NDST4: variants seen among roughly 807,000 people sequenced by gnomAD.
NDST4 encodes the protein N-deacetylase and N-sulfotransferase 4.
NDST4 carries 63 observed loss-of-function variants against 100.8 expected under a neutral mutation model. The ratio of observed to expected loss-of-function variants is 0.62; its 90% CI spans 0.51 to 0.77. The LOEUF is 0.77. NDST4 is among the 30% of genes least tolerant of loss of function. NDST4 has a pLI of 0.00. For synonymous variants in NDST4, 377 were observed against 361.8 expected (o/e 1.04, Z -0.48); for missense variants, 943 against 1,018.4 (o/e 0.93, Z 1.01).
chr4:115,066,198 G>C (rs1205388061), intron 2 of NDST4, among the ~76,000 whole-genome samples: 1 of 152,098 alleles, frequency 6.6e-6, no homozygotes, highest in Non-Finnish European at 1.5e-5. Context: ...CTATAATAAA[G>C]ACAGATTCAC....
chr4:115,011,463 ATTT>A (rs569090018), intron 2 of NDST4, among the ~76,000 whole-genome samples: 3 of 144,596 alleles, frequency 2.1e-5, no homozygotes, highest in African/African-American at 7.5e-5. Flanking sequence ...AGGCATCACT[ATTT>A]TTTTTTTTTC....
At chr4:115,038,273 A>G (rs1425627978) in intron 2 of NDST4, among the ~76,000 whole-genome samples, 1 of 152,168 alleles carries the variant, frequency 6.6e-6, no homozygotes, top group Non-Finnish European at 1.5e-5. Flanking sequence ...TTTTTTAAAT[A>G]TAGTTATTGA....
chr4:114,919,832 G>A (rs1725252102), intron 6 of NDST4, among the ~76,000 whole-genome samples: 1 of 152,182 alleles, frequency 6.6e-6, no homozygotes, highest in African/African-American at 2.4e-5. Flanking sequence ...GTCTTGCAGG[G>A]TTGCTGCAGA....
intron 1 of NDST4, among the ~76,000 whole-genome samples, chr4:115,082,963 G>A (rs975563877): frequency 2.0e-5 from 3 of 152,194 alleles, no homozygotes; most frequent in African/African-American, 7.2e-5. Flanking sequence ...TGATTTGAAA[G>A]AGCTGTGTTG....
intron 6 of NDST4, among the ~76,000 whole-genome samples, chr4:114,918,925 A>AT (rs912247434): frequency 6.6e-5 from 10 of 151,848 alleles, no homozygotes; most frequent in African/African-American, 2.4e-4. Flanking sequence ...TTGTTTTGGT[A>AT]TTTTTTTTAG....
rs530790881 is a variant in NDST4, at chr4:114,892,300, G to T, written c.1537-21350C>A. 2.0e-5 allele frequency among the ~76,000 whole-genome samples: 3 copies of T among 152,100 alleles called. No individual in the cohort carries two copies. The East Asian group carries it at 5.8e-4, about 29-fold the overall frequency. On this transcript the variant is annotated intron_variant, in intron 6 of 13. Transcript: ENST00000264363. ...GGATGTATTGTAAATAATTTACTTT[G>T]TGCTTTTAGCTTGCTTATATTTTTC...
intron 9 of NDST4, among the ~76,000 whole-genome samples, chr4:114,847,094 C>CATTGCAAACAGGTTCATGCATGATGAT (rs1553948317): frequency 2.7e-5 from 4 of 148,900 alleles, no homozygotes; most frequent in South Asian, 2.2e-4. Flanking sequence ...ATGTGTCTTT[C>CATTGCAAACAGGTTCATGCATGATGAT]GGCCGGGCGC....
rs775121627 is a variant in NDST4 at position 114,937,470 on chromosome 4, C to T, written c.1255G>A (p.Val419Met). The T allele has an allele frequency of 6.3e-7, 1 of 1,595,732 alleles. No homozygotes were observed. Among genetic ancestry groups the T allele is most frequent in the African/African-American group, 1.3e-5 (1 of 74,380 alleles). ...TAGACCCCTGAGTGATGTGGGGCCA[C>T]AGCATAGCCCATGTTGATTGGTATT... is the stretch of plus-strand genomic sequence containing the variant. ...HGIPINMGYA[V>M]APHHSGVYPV... Residue 419 changes from valine (V) to methionine (M), a missense_variant, in exon 5 of 14, where the codon GTG (valine) becomes ATG (methionine). By Grantham distance (21) the Val-to-Met change is conservative. This residue lies in a region of NDST4 where 526 missense variants were observed against 634.1 expected (regional missense o/e 0.83). Transcript: ENST00000264363.
intron 12 of NDST4, among the ~76,000 whole-genome samples, chr4:114,833,343 ATTTAC>A (rs552512896): frequency 1.3e-5 from 2 of 152,178 alleles, no homozygotes; most frequent in Non-Finnish European, 2.9e-5. Context: ...CATATAAAAA[ATTTAC>A]TTAATCAAAC....
At chr4:114,854,616 G>T (rs964511702) in intron 7 of NDST4, among the ~76,000 whole-genome samples, 1 of 152,032 alleles carries the variant, frequency 6.6e-6, no homozygotes, top group East Asian at 1.9e-4. Context: ...CCACAGGCAC[G>T]TGCCACCACA....
chr4:115,053,735 A>C (rs537467086), intron 2 of NDST4, among the ~76,000 whole-genome samples: 3 of 152,250 alleles, frequency 2.0e-5, no homozygotes, highest in East Asian at 3.9e-4. Flanking sequence ...CAGTCAACTC[A>C]GAGAGAGAAG....
At chr4:114,983,020 G>A (rs1052900634) in intron 2 of NDST4, among the ~76,000 whole-genome samples, 1 of 152,174 alleles carries the variant, frequency 6.6e-6, no homozygotes, top group Non-Finnish European at 1.5e-5. Flanking sequence ...CAGGTGGGAA[G>A]GAGGTAAGAG....
chr4:114,885,363 G>A (rs1724455987), intron 6 of NDST4, among the ~76,000 whole-genome samples: 1 of 152,092 alleles, frequency 6.6e-6, no homozygotes, highest in Non-Finnish European at 1.5e-5. Context: ...TCCATTCATT[G>A]CTGCTGGATC....
chr4:115,007,150 G>C (rs1332160023), intron 2 of NDST4, among the ~76,000 whole-genome samples: 1 of 152,092 alleles, frequency 6.6e-6, no homozygotes, highest in Non-Finnish European at 1.5e-5. Flanking sequence ...GCCAGACACT[G>C]CTAATAACAC....
At position 114,905,148 on chromosome 4, in the gene NDST4, T is replaced by TC. The variant is rs201326872; in HGVS notation, c.1536+30057dup. ...AAAAATTCTTCCTTTTTTTTTTTTT[T>TC]CTGCAACAAATCAGTGTGTGGTATG... On this transcript the variant is annotated intron_variant, in intron 6 of 13. Coordinates refer to ENST00000264363, the MANE Select transcript of NDST4 (RefSeq NM_022569.3). 9.7e-3 allele frequency among the ~76,000 whole-genome samples: 1,462 copies of TC among 151,414 alleles called. 25 individuals carry two copies. Among genetic ancestry groups the TC allele is most frequent in the African/African-American group, 0.034 (1,388 of 41,266 alleles).
intron 6 of NDST4, among the ~76,000 whole-genome samples, chr4:114,872,212 C>A (rs1489656102): frequency 6.6e-6 from 1 of 151,892 alleles, no homozygotes; most frequent in Non-Finnish European, 1.5e-5. Flanking sequence ...CTATAAATGT[C>A]TAAAGAGGAG....
At position 115,017,882 on chromosome 4, in the gene NDST4, G is replaced by T. The variant is rs114980015; in HGVS notation, c.979-40608C>A. ...GATTGTTTACATGCAGAGGATAGTAGAGAAAGTATATCTGGTTAGAACAAT... is the reference window on the plus strand; with the variant it reads ...GATTGTTTACATGCAGAGGATAGTATAGAAAGTATATCTGGTTAGAACAAT... On this transcript the variant is annotated intron_variant, in intron 2 of 13. Coordinates refer to ENST00000264363, the MANE Select transcript of NDST4 (RefSeq NM_022569.3). Among the ~76,000 whole-genome samples, 408 of 151,946 alleles carry T rather than the reference G, an allele frequency of 2.7e-3. 1 individual carries two copies. Among genetic ancestry groups the T allele is most frequent in the African/African-American group, 9.5e-3 (393 of 41,480 alleles).
At chr4:115,026,757 A>G (rs1727995139) in intron 2 of NDST4, among the ~76,000 whole-genome samples, 1 of 151,996 alleles carries the variant, frequency 6.6e-6, no homozygotes, top group Non-Finnish European at 1.5e-5. Flanking sequence ...CAGCATTGTG[A>G]AGGTTATTGT....
intron 6 of NDST4, among the ~76,000 whole-genome samples, chr4:114,912,618 C>T (rs760254244): frequency 3.6e-4 from 55 of 152,122 alleles, no homozygotes; most frequent in Admixed American, 6.5e-4. Context: ...TTAGCAAGAA[C>T]CTTGCCATCC....
Sources: gnomAD v4.1 joint callset for allele counts (sites outside exome capture counted in the v4.1 genomes callset) on GRCh38, gnomAD v4.1.1 for gene constraint, gnomAD v4.1.1 regional missense constraint, MANE v1.5 for transcripts, NCBI Gene and HGNC (gene_info 2026-07-23, HGNC 2026-07-21) for gene names.